The following RAVER1 variants were observed in gnomAD, a reference collection of about 807,000 sequenced individuals.
RAVER1 encodes ribonucleoprotein PTB-binding 1.
Under a neutral mutation model 68.4 loss-of-function variants are expected in RAVER1, and 36 were observed. That is an observed-to-expected ratio of 0.53 (90% CI 0.40 to 0.70). The LOEUF (loss-of-function observed/expected upper bound fraction) is 0.70. Among genes scored for constraint, RAVER1 ranks in the 30% least tolerant of loss-of-function variants. The probability of loss-of-function intolerance (pLI) is 0.00; values close to 1 mark genes in which losing one functional copy is unlikely to be tolerated. For missense variants in RAVER1, 933 were observed against 1,019.8 expected (o/e 0.91, Z 1.16); for synonymous variants, 469 against 472.7 (o/e 0.99, Z 0.10).
intron 3 of RAVER1, among the ~76,000 whole-genome samples, chr19:10,326,855 C>T (rs1279257538): frequency 6.6e-6 from 1 of 151,472 alleles, no homozygotes; most frequent in Non-Finnish European, 1.5e-5. Flanking sequence ...CAACCTCCAC[C>T]TCCCAGGTAC....
chr19:10,319,153 A>G lies in RAVER1; in HGVS notation c.1845+13T>C, dbSNP rs762259350. ...AGCTGATTGCTACACATGCCATACC[A>G]GGTGGCTCTTACCTTGTGTCGGCTG... On this transcript the variant is annotated intron_variant, in intron 10 of 12. Coordinates refer to ENST00000617231, the MANE Select transcript of RAVER1 (RefSeq NM_133452.3). The G allele has an allele frequency of 2.5e-6, 4 of 1,613,288 alleles. No individual in the cohort carries two copies. The Admixed American group carries it at 6.7e-5, about 27-fold the overall frequency.
At chr19:10,319,567 C>A (rs570426986) in intron 9 of RAVER1, among the ~76,000 whole-genome samples, 15 of 151,570 alleles carry the variant, frequency 9.9e-5, no homozygotes, top group Admixed American at 8.5e-4. Context: ...GACCTGTGGG[C>A]GGCCAGTTTG....
intron 3 of RAVER1, among the ~76,000 whole-genome samples, chr19:10,327,306 A>G (rs1369684533): frequency 6.6e-6 from 1 of 152,004 alleles, no homozygotes; most frequent in Non-Finnish European, 1.5e-5. Flanking sequence ...CTCAGGCTGT[A>G]GTGTCATGGT....
intron 3 of RAVER1, among the ~76,000 whole-genome samples, chr19:10,324,740 G>GCCACACAATTCCTA (rs2040462703): frequency 6.6e-6 from 1 of 152,142 alleles, no homozygotes; most frequent in Non-Finnish European, 1.5e-5. Context: ...AGTGATCAAG[G>GCCACACAATTCCTA]CCACACAATT....
Position 10,322,525 on chromosome 19 carries a change from C to T in RAVER1, c.1173+120G>A, listed in dbSNP as rs2040445305. 7.1e-6 allele frequency: 5 copies of T among 699,502 alleles called. No individual in the cohort carries two copies. Among genetic ancestry groups the T allele is most frequent in the Admixed American group, 3.8e-5 (1 of 26,260 alleles). The allele number at this position is 699,502 out of a possible 1,614,324, so 43.3% of individuals were successfully genotyped here. A position where few individuals can be genotyped will look rare whatever the true frequency, so the allele number is the denominator to read the frequency against. On this transcript the variant is annotated intron_variant, in intron 6 of 12. Coordinates refer to ENST00000617231, the MANE Select transcript of RAVER1 (RefSeq NM_133452.3). This position sits in a 1 kb window ranked among gnomAD's most constrained non-coding sequence, Gnocchi z 4.3. ...AGGGGTTTGGGGGAGTCGCCCTCAC[C>T]CTGGTTCTGCGCCCCCAGGGCACAG... is the stretch of plus-strand genomic sequence containing the variant.
In RAVER1 at chr19:10,317,118, G is replaced by C. The variant is rs1238192907; in HGVS notation, c.*336C>G. On this transcript the variant is annotated 3_prime_UTR_variant, in exon 13 of 13. Coordinates refer to ENST00000617231, the MANE Select transcript of RAVER1 (RefSeq NM_133452.3). This position sits in a 1 kb window ranked among gnomAD's most constrained non-coding sequence, Gnocchi z 4.3. ...AGGGAAACCTCCAAGGCACTCGAAA[G>C]GCCAAAATTACAGGAGCAATGAGGC... is the stretch of plus-strand genomic sequence containing the variant. 1 of 361,852 alleles carries C rather than the reference G, an allele frequency of 2.8e-6. No homozygotes were observed. Among genetic ancestry groups the C allele is most frequent in the African/African-American group, 2.2e-5 (1 of 45,222 alleles). 22.4% of individuals were successfully genotyped at this position (361,852 alleles called of 1,614,324 possible).
intron 3 of RAVER1, among the ~76,000 whole-genome samples, chr19:10,324,921 C>T (rs1017384076): frequency 3.3e-5 from 5 of 152,114 alleles, no homozygotes; most frequent in South Asian, 2.1e-4. Context: ...CCCAGTGGCT[C>T]GAATCTATAA....
At chr19:10,331,603 T>C (rs569061336) in intron 1 of RAVER1, among the ~76,000 whole-genome samples, 2 of 145,108 alleles carry the variant, frequency 1.4e-5, no homozygotes, top group South Asian at 4.3e-4. Flanking sequence ...AGACAATTGC[T>C]TGAACCCGAG....
At chr19:10,326,077 G>T (rs536085989) in intron 3 of RAVER1, among the ~76,000 whole-genome samples, 1 of 152,102 alleles carries the variant, frequency 6.6e-6, no homozygotes, top group East Asian at 1.9e-4. Context: ...CCAACACGGC[G>T]AAACCCCATC....
chr19:10,330,411 T>C, intron 2 of RAVER1, 49 bp downstream of exon 2: 1 of 883,974 alleles, frequency 1.1e-6, no homozygotes, highest in Non-Finnish European at 1.9e-6. Context: ...CCCTCCCATC[T>C]TCAGGGATGG....
At chr19:10,326,232 G>A (rs2145077860) in intron 3 of RAVER1, among the ~76,000 whole-genome samples, 1 of 152,294 alleles carries the variant, frequency 6.6e-6, no homozygotes, top group East Asian at 1.9e-4. Context: ...TCCAGACTGG[G>A]TGACAGAGCA....
rs1433815874 is a variant in RAVER1, at chr19:10,320,678, T to A, written c.1747A>T (p.Ser583Cys). 6.4e-7 allele frequency: 1 copy of A among 1,555,114 alleles called. No homozygotes were observed. The highest frequency in any genetic ancestry group is 8.7e-7 in the Non-Finnish European group (1 of 1,155,002). The change falls in exon 9 of 13, where the codon AGC (serine) becomes TGC (cysteine). Residue 583 changes from serine to cysteine, a missense_variant. Physicochemically the swap from Ser to Cys is moderately radical, Grantham distance 112. Transcript: ENST00000617231. ...RLPPEPGLSD[S>C]YSFDYPSDMG... is the part of the protein sequence containing the mutation. The stretch of plus-strand genomic sequence containing the variant: ...ACCGAGGGGTAGTCGAAGCTGTAGC[T>A]GTCAGACAGTCCTGGTTCGGGGGGC...
At chr19:10,321,508 C>T (rs776304053) in intron 7 of RAVER1, 23 bp downstream of exon 7, 4 of 1,345,188 alleles carry the variant, frequency 3.0e-6, no homozygotes, top group South Asian at 2.4e-5. Flanking sequence ...TGGGGGACAC[C>T]GTGTGGGCAG....
In RAVER1 at chr19:10,321,070, C is replaced by T. The variant is rs1200856877; in HGVS notation, c.1451G>A (p.Gly484Glu). Residue 484 changes from glycine (G) to glutamate (E), a missense_variant, in exon 8 of 13, where the codon GGG becomes GAG. This residue lies in a region of RAVER1 where 699 missense variants were observed against 731.1 expected (regional missense o/e 0.96). Transcript: ENST00000617231. Reference sequence around the variant, plus strand: ...TACCCCAGGGGGCGTCGGCAGAGGCCCACTGTCTTTCTGGAGGCCTCTGAG... The same window carrying T: ...TACCCCAGGGGGCGTCGGCAGAGGCTCACTGTCTTTCTGGAGGCCTCTGAG... ...SGLRGLQKDS[G>E]PLPTPPGVSL... The T allele has an allele frequency of 7.3e-7, 1 of 1,368,784 alleles. No homozygotes were observed. The highest frequency in any genetic ancestry group is 9.4e-7 in the Non-Finnish European group (1 of 1,062,798). 84.8% of individuals were successfully genotyped at this position (1,368,784 alleles called of 1,614,324 possible).
chr19:10,316,963 C>T lies in RAVER1; in HGVS notation c.*491G>A, dbSNP rs1020006807. 22 of 181,080 alleles carry T rather than the reference C, an allele frequency of 1.2e-4. No individual in the cohort carries two copies. The South Asian group carries it at 1.3e-3, about 11-fold the overall frequency. 11.2% of individuals were successfully genotyped at this position (181,080 alleles called of 1,614,324 possible). ...GTGTGGAATGGTGGCCCGGACAGGC[C>T]GGGCCTTGAAGGAATCAGAGCTGGG... On this transcript the variant is annotated 3_prime_UTR_variant, in exon 13 of 13. Transcript: ENST00000617231.
chr19:10,323,504 C>G lies in RAVER1; in HGVS notation c.819G>C (p.Glu273Asp). 5.0e-6 allele frequency: 8 copies of G among 1,609,126 alleles called. No homozygotes were observed. Among genetic ancestry groups the G allele is most frequent in the Non-Finnish European group, 6.8e-6 (8 of 1,179,698 alleles). The change falls in exon 4 of 13, where the codon GAG becomes GAC. Residue 273 changes from glutamate to aspartate, a missense_variant. Around this residue, in one of 3 missense-constraint regions of RAVER1, gnomAD observed 699 missense variants for 731.1 expected, o/e 0.96. Coordinates refer to ENST00000617231, the MANE Select transcript of RAVER1 (RefSeq NM_133452.3). The surrounding 1 kb of genome is among the most constrained non-coding windows in gnomAD (Gnocchi z 6.2). ...GFAVLEYETAEMAEEAQQQAD... is the reference protein window; with the variant it reads ...GFAVLEYETADMAEEAQQQAD... ...CCTGCTGCTGTGCCTCCTCCGCCAT[C>G]TCAGCCGTCTCATACTCCAGCACCG...
At chr19:10,326,760 T>TG (rs2040477803) in intron 3 of RAVER1, among the ~76,000 whole-genome samples, 1 of 149,294 alleles carries the variant, frequency 6.7e-6, no homozygotes, top group Non-Finnish European at 1.5e-5. Context: ...GGCCTGTTTT[T>TG]TTTTTTTTTT....
chr19:10,316,247 A>G lies in RAVER1; in HGVS notation c.*1207T>C, dbSNP rs2040386561. ...ACCATTTACTTACAAACTTTAATTC[A>G]GCAAAGGTCCGTGTGGGGAGACTGG... On this transcript the variant is annotated 3_prime_UTR_variant, in exon 13 of 13. Coordinates refer to ENST00000617231, the MANE Select transcript of RAVER1 (RefSeq NM_133452.3). 8 of 1,337,946 alleles carry G rather than the reference A, an allele frequency of 6.0e-6. No homozygotes were observed. Among genetic ancestry groups the G allele is most frequent in the Admixed American group, 3.9e-5 (1 of 25,916 alleles). 82.9% of individuals were successfully genotyped at this position (1,337,946 alleles called of 1,614,324 possible). A position where few individuals can be genotyped will look rare whatever the true frequency, so the allele number is the denominator to read the frequency against.
intron 2 of RAVER1, among the ~76,000 whole-genome samples, chr19:10,330,078 G>C (rs185151117): frequency 1.3e-5 from 2 of 150,296 alleles, no homozygotes; most frequent in East Asian, 3.9e-4. Context: ...AGCCGAGCTC[G>C]CGCCACTGCA....
Sources: allele counts gnomAD v4.1 joint callset (sites outside exome capture counted in the v4.1 genomes callset), GRCh38; gene constraint gnomAD v4.1.1; regional missense constraint gnomAD v4.1.1; non-coding constraint Gnocchi (gnomAD v3.1); transcripts MANE v1.5; gene names NCBI Gene and HGNC (gene_info 2026-07-23, HGNC 2026-07-21).